The following KLHL29 variants were observed in gnomAD, a reference collection of about 807,000 sequenced individuals.
KLHL29 encodes the protein kelch like family member 29.
Under a neutral mutation model 80.4 loss-of-function variants are expected in KLHL29, and 21 were observed. The observed-to-expected ratio is 0.26, with a 90% CI of 0.19 to 0.38. The LOEUF is 0.38. Ranked by LOEUF, KLHL29 falls within the 10% of genes least tolerant of loss-of-function variation. KLHL29 has a pLI of 1.00. For synonymous variants in KLHL29, 511 were observed against 526.8 expected (o/e 0.97, Z 0.41); for missense variants, 867 against 1,223.9 (o/e 0.71, Z 4.35).
At chr2:23,650,325 T>C (rs563406567) in intron 5 of KLHL29, among the ~76,000 whole-genome samples, 2 of 151,796 alleles carry the variant, frequency 1.3e-5, no homozygotes, top group African/African-American at 4.8e-5. Flanking sequence ...AGAATTATGA[T>C]TTTCCAATAG....
At chr2:23,455,003 G>GC (rs545260337) in intron 1 of KLHL29, among the ~76,000 whole-genome samples, 14 of 136,624 alleles carry the variant, frequency 1.0e-4, no homozygotes, top group South Asian at 9.1e-4. Context: ...CAGTGGGTTG[G>GC]GGGGGGGGCA....
At chr2:23,552,227 A>G (rs1387874419) in intron 2 of KLHL29, among the ~76,000 whole-genome samples, 3 of 152,210 alleles carry the variant, frequency 2.0e-5, no homozygotes, top group African/African-American at 7.2e-5. Flanking sequence ...AAGTGCTCTC[A>G]CTACAAAAGG....
intron 2 of KLHL29, among the ~76,000 whole-genome samples, chr2:23,559,033 C>A (rs1667372441): frequency 6.6e-6 from 1 of 152,146 alleles, no homozygotes; most frequent in Non-Finnish European, 1.5e-5. Context: ...GAGAGTCTCT[C>A]ACCTGACCCA....
At position 23,424,227 on chromosome 2, in the gene KLHL29, T is replaced by G. The variant is rs117801194; in HGVS notation, c.-154+38447T>G. On this transcript the variant is annotated intron_variant, in intron 1 of 13. Coordinates refer to ENST00000486442, the MANE Select transcript of KLHL29 (RefSeq NM_052920.2). ...ACCTATTGTAAAAGTCAGCCAATAA[T>G]TCCTTACATAGTTTCCCCTAATATG... 3.7e-4 allele frequency among the ~76,000 whole-genome samples: 56 copies of G among 152,340 alleles called. 2 individuals are homozygous for G. In the East Asian group the frequency reaches 0.011, roughly 29 times the overall value.
chr2:23,476,269 C>G (rs779002257), intron 2 of KLHL29, among the ~76,000 whole-genome samples: 2 of 151,828 alleles, frequency 1.3e-5, no homozygotes, highest in East Asian at 1.9e-4. Context: ...GACCTTTAAC[C>G]TCCTTAAAAA....
intron 2 of KLHL29, among the ~76,000 whole-genome samples, chr2:23,542,666 G>A (rs955200381): frequency 6.6e-6 from 1 of 152,228 alleles, no homozygotes; most frequent in South Asian, 2.1e-4. Context: ...TCCCCAGGGT[G>A]GAGGCCAGAG....
intron 2 of KLHL29, among the ~76,000 whole-genome samples, chr2:23,491,152 A>C (rs1665091628): frequency 6.6e-6 from 1 of 152,100 alleles, no homozygotes; most frequent in African/African-American, 2.4e-5. Context: ...TCTAGTATGA[A>C]ACTCAGTGCT....
At chr2:23,447,650 C>T (rs952173025) in intron 1 of KLHL29, among the ~76,000 whole-genome samples, 5 of 152,164 alleles carry the variant, frequency 3.3e-5, no homozygotes, top group Non-Finnish European at 7.3e-5. Context: ...GTGTCTAAAC[C>T]GTTATTGTGT....
chr2:23,554,250 G>A (rs901530115), intron 2 of KLHL29, among the ~76,000 whole-genome samples: 8 of 152,234 alleles, frequency 5.3e-5, no homozygotes, highest in African/African-American at 1.9e-4. Context: ...TTTTGCTCCA[G>A]AAGAAAGGCT....
At chr2:23,491,559 AGCTCT>A (rs60351779) in intron 2 of KLHL29, among the ~76,000 whole-genome samples, 112,025 of 151,270 alleles carry the variant, frequency 0.74, 41,667 homozygotes, top group East Asian at 0.96. Flanking sequence ...CTGGGCCAGC[AGCTCT>A]GCTCTGCTCC....
chr2:23,641,046 A>G (rs1669755537), intron 4 of KLHL29, among the ~76,000 whole-genome samples: 1 of 150,806 alleles, frequency 6.6e-6, no homozygotes, highest in African/African-American at 2.4e-5. Flanking sequence ...CCCCATCCTC[A>G]GTGTACACTG....
chr2:23,663,546 C>A (rs545798582), intron 5 of KLHL29, among the ~76,000 whole-genome samples: 1 of 152,206 alleles, frequency 6.6e-6, no homozygotes, highest in Non-Finnish European at 1.5e-5. Context: ...TTCTCTTCAG[C>A]CAGTTCCAAG....
chr2:23,537,416 CTACACACACACACACACACACACACACA>C (rs1296645116), intron 2 of KLHL29, among the ~76,000 whole-genome samples: 1 of 93,716 alleles, frequency 1.1e-5, no homozygotes, highest in Admixed American at 1.1e-4. Context: ...TGGGCAGAAA[CTACACACACACACACACACACACACACA>C]CACACACACA....
intron 1 of KLHL29, among the ~76,000 whole-genome samples, chr2:23,410,895 T>C (rs951822373): frequency 6.6e-6 from 1 of 152,162 alleles, no homozygotes; most frequent in African/African-American, 2.4e-5. Flanking sequence ...AGTGAGTCTC[T>C]TGAGTACAGA....
intron 3 of KLHL29, among the ~76,000 whole-genome samples, chr2:23,611,812 TA>T (rs1668877594): frequency 6.7e-6 from 1 of 150,256 alleles, no homozygotes; most frequent in Non-Finnish European, 1.5e-5. Context: ...TATATCTTTT[TA>T]AAAACCCAAA....
intron 1 of KLHL29, among the ~76,000 whole-genome samples, chr2:23,458,173 A>T (rs553516018): frequency 6.6e-6 from 1 of 152,282 alleles, no homozygotes; most frequent in East Asian, 1.9e-4. Context: ...TACTCAGCAG[A>T]CACCAGGGAC....
intron 3 of KLHL29, among the ~76,000 whole-genome samples, chr2:23,565,939 G>A (rs1667580409): frequency 1.3e-5 from 2 of 152,314 alleles, no homozygotes; most frequent in Admixed American, 1.3e-4. Context: ...TGGGGGCTGG[G>A]GCATCCCATG....
chr2:23,580,093 G>A (rs1296625573), intron 3 of KLHL29, among the ~76,000 whole-genome samples: 5 of 152,088 alleles, frequency 3.3e-5, no homozygotes, highest in Admixed American at 2.0e-4. Flanking sequence ...AGACCAGGCC[G>A]GGCGCGGTGG....
intron 2 of KLHL29, among the ~76,000 whole-genome samples, chr2:23,508,878 C>T (rs1450737810): frequency 1.3e-5 from 2 of 152,224 alleles, no homozygotes; most frequent in Non-Finnish European, 2.9e-5. Context: ...ATGGAGAAAG[C>T]AGAGAATCTA....
Sources: gnomAD v4.1 joint callset for allele counts (sites outside exome capture counted in the v4.1 genomes callset) on GRCh38, gnomAD v4.1.1 for gene constraint, MANE v1.5 for transcripts, NCBI Gene and HGNC (gene_info 2026-07-23, HGNC 2026-07-21) for gene names.